Variants in BACH2 observed in about 807,000 individuals in gnomAD.
BACH2 encodes BACH transcriptional regulator 2.
BACH2 carries 5 observed loss-of-function variants against 61.8 expected under a neutral mutation model. That is an observed-to-expected ratio of 0.08 (90% CI 0.04 to 0.17). BACH2 has a LOEUF of 0.17. Ranked by LOEUF, BACH2 falls within the 10% of genes least tolerant of loss-of-function variation. The probability of loss-of-function intolerance (pLI) is 1.00; values close to 1 mark genes in which losing one functional copy is unlikely to be tolerated. For missense variants in BACH2, 824 were observed against 1,091.1 expected (o/e 0.76, Z 3.45); for synonymous variants, 446 against 440.1 (o/e 1.01, Z -0.17).
intron 8 of BACH2, among the ~76,000 whole-genome samples, chr6:89,935,085 G>A (rs1044046236): frequency 4.6e-5 from 7 of 152,152 alleles, no homozygotes; most frequent in African/African-American, 1.2e-4. Flanking sequence ...CAGCTGAGTG[G>A]CGGGTGTGTG....
chr6:90,135,430 TTAAAG>T (rs1446996555), intron 4 of BACH2, among the ~76,000 whole-genome samples: 2 of 152,120 alleles, frequency 1.3e-5, no homozygotes, highest in Non-Finnish European at 2.9e-5. Flanking sequence ...CAAACAACCT[TTAAAG>T]TAAAGCATTA....
chr6:90,284,007 A>AAAATAAAT lies in BACH2; in HGVS notation c.-445-12074_-445-12067dup, dbSNP rs546804893. The stretch of plus-strand genomic sequence containing the variant: ...GGGTGACAGGACAAGACTCCATCTC[A>AAAATAAAT]AAATAAATAAATAAATAAATAAATA... On this transcript the variant is annotated intron_variant, in intron 1 of 8. Transcript: ENST00000257749. Among the ~76,000 whole-genome samples, 423 of 151,482 alleles carry AAAATAAAT rather than the reference A, an allele frequency of 2.8e-3. 1 individual carries two copies. Among genetic ancestry groups the AAAATAAAT allele is most frequent in the Admixed American group, 5.2e-3 (79 of 15,198 alleles).
chr6:90,250,486 C>G (rs1770771293), intron 3 of BACH2, among the ~76,000 whole-genome samples: 1 of 151,986 alleles, frequency 6.6e-6, no homozygotes, highest in Admixed American at 6.6e-5. Flanking sequence ...AATGAAGCCT[C>G]ACTGTTCATT....
At chr6:89,946,740 G>A (rs1379807572) in intron 7 of BACH2, among the ~76,000 whole-genome samples, 2 of 152,076 alleles carry the variant, frequency 1.3e-5, no homozygotes, top group African/African-American at 4.8e-5. Context: ...CCATAGAGAG[G>A]TGAATATATA....
chr6:90,178,563 G>A lies in BACH2; in HGVS notation c.-162+28006C>T, dbSNP rs760379314. Reference sequence around the variant, plus strand: ...CCACTCCTTCCCAACTCCCAAAAAAGACAGCTAAGAAAACAATGTTCACTT... The same window carrying A: ...CCACTCCTTCCCAACTCCCAAAAAAAACAGCTAAGAAAACAATGTTCACTT... On this transcript the variant is annotated intron_variant, in intron 4 of 8. Transcript: ENST00000257749. Among the ~76,000 whole-genome samples, 83 of 152,184 alleles carry A rather than the reference G, an allele frequency of 5.5e-4. 1 individual carries two copies. In the Middle Eastern group the frequency reaches 0.01, roughly 19 times the overall value.
rs1771685381 is a variant in BACH2, at chr6:90,276,163, T to A, written c.-445-4222A>T. Among the ~76,000 whole-genome samples the A allele has an allele frequency of 3.9e-5, 6 of 152,228 alleles. No individual in the cohort carries two copies. The South Asian group carries it at 1.2e-3, about 31-fold the overall frequency. On this transcript the variant is annotated intron_variant, in intron 1 of 8. Coordinates refer to ENST00000257749, the MANE Select transcript of BACH2 (RefSeq NM_021813.4). ...ATACATGTGTAAAACGTTTCATCTA[T>A]GACAGCCATGTTCTAAATTAATGTT... is the stretch of plus-strand genomic sequence containing the variant.
At chr6:90,231,020 C>T (rs1042469199) in intron 3 of BACH2, among the ~76,000 whole-genome samples, 14 of 152,112 alleles carry the variant, frequency 9.2e-5, no homozygotes, top group Admixed American at 5.2e-4. Context: ...CCAATTGCTT[C>T]CTTCCTCTCT....
At chr6:89,964,850 C>T (rs1308838420) in intron 6 of BACH2, among the ~76,000 whole-genome samples, 1 of 152,124 alleles carries the variant, frequency 6.6e-6, no homozygotes, top group Non-Finnish European at 1.5e-5. Context: ...GGGCCCCTGC[C>T]CTATGTTTCT....
chr6:90,117,725 G>C (rs1783462067), intron 4 of BACH2, among the ~76,000 whole-genome samples: 1 of 152,120 alleles, frequency 6.6e-6, no homozygotes, highest in African/African-American at 2.4e-5. Flanking sequence ...GGTAATTCTA[G>C]AGAGTGTATA....
chr6:90,141,489 G>GT (rs113693692), intron 4 of BACH2, among the ~76,000 whole-genome samples: 3,310 of 132,178 alleles, frequency 0.025, 71 homozygotes, highest in African/African-American at 0.062. Context: ...CCCCGATCCC[G>GT]TTTTTTTTTT....
intron 6 of BACH2, among the ~76,000 whole-genome samples, chr6:89,955,214 A>G (rs1467334992): frequency 6.6e-6 from 1 of 152,224 alleles, no homozygotes; most frequent in Admixed American, 6.5e-5. Flanking sequence ...AACCAAGTCC[A>G]GTCTGTTTCT....
intron 1 of BACH2, among the ~76,000 whole-genome samples, chr6:90,286,832 AT>A (rs1228738142): frequency 1.3e-5 from 2 of 152,182 alleles, no homozygotes; most frequent in Admixed American, 1.3e-4. Context: ...CAAAAAAAAA[AT>A]TGAGACTTGG....
intron 4 of BACH2, among the ~76,000 whole-genome samples, chr6:90,135,593 G>A (rs149266878): frequency 4.5e-4 from 68 of 152,236 alleles, no homozygotes; most frequent in African/African-American, 1.6e-3. Flanking sequence ...GTACACGCCT[G>A]TGGTCTCAGA....
chr6:90,145,077 G>A (rs1344548150), intron 4 of BACH2, among the ~76,000 whole-genome samples: 1 of 152,016 alleles, frequency 6.6e-6, no homozygotes. Context: ...CTGAGATTAT[G>A]GTGGTGATTG....
chr6:90,056,051 A>C (rs1281840202), intron 5 of BACH2, among the ~76,000 whole-genome samples: 1 of 152,236 alleles, frequency 6.6e-6, no homozygotes, highest in African/African-American at 2.4e-5. Flanking sequence ...GGCTAGGAAG[A>C]AACTGCATCA....
chr6:90,064,680 G>C (rs1780852933), intron 5 of BACH2, among the ~76,000 whole-genome samples: 1 of 152,178 alleles, frequency 6.6e-6, no homozygotes, highest in Non-Finnish European at 1.5e-5. Flanking sequence ...AATAACAAAT[G>C]GATGGTAGAG....
rs1215513910 is a variant in BACH2, at chr6:89,929,709, AG to A, written c.*2698del. 1.3e-5 allele frequency: 2 copies of A among 152,330 alleles called. No homozygotes were observed. Among genetic ancestry groups the A allele is most frequent in the Non-Finnish European group, 1.5e-5 (1 of 68,046 alleles). The allele number at this position is 152,330 out of a possible 1,614,324, so 9.4% of individuals were successfully genotyped here. ...CCCCTGCTAGAAATGGCTGCCAAACAGGTCTGGGCTACTGAACCACAGAAAC... is the reference window on the plus strand; with the variant it reads ...CCCCTGCTAGAAATGGCTGCCAAACAGTCTGGGCTACTGAACCACAGAAAC... On this transcript the variant is annotated 3_prime_UTR_variant, in exon 9 of 9. Coordinates refer to ENST00000257749, the MANE Select transcript of BACH2 (RefSeq NM_021813.4).
intron 1 of BACH2, among the ~76,000 whole-genome samples, chr6:90,286,217 T>C (rs1772012193): frequency 6.6e-6 from 1 of 152,188 alleles, no homozygotes; most frequent in Non-Finnish European, 1.5e-5. Flanking sequence ...CAAGCACAGT[T>C]CCTGTTTTTC....
chr6:89,940,815 C>A (rs1219988945), intron 7 of BACH2, among the ~76,000 whole-genome samples: 1 of 150,788 alleles, frequency 6.6e-6, no homozygotes, highest in Non-Finnish European at 1.5e-5. Flanking sequence ...ATACTTCCAA[C>A]ATATAGCTAA....
Sources: gnomAD v4.1 joint callset for allele counts (sites outside exome capture counted in the v4.1 genomes callset) on GRCh38, gnomAD v4.1.1 for gene constraint, MANE v1.5 for transcripts, NCBI Gene and HGNC (gene_info 2026-07-23, HGNC 2026-07-21) for gene names.